The following ZBBX variants were observed in gnomAD, a reference collection of about 807,000 sequenced individuals.
ZBBX encodes zinc finger B-box domain containing, also known as zinc finger B-box domain-containing protein 1.
ZBBX carries 101 observed loss-of-function variants against 108.5 expected under a neutral mutation model. The ratio of observed to expected loss-of-function variants is 0.93; its 90% CI spans 0.79 to 1.10. The LOEUF is 1.10. Ranked by LOEUF, ZBBX falls within the 50% of genes least tolerant of loss-of-function variation. ZBBX has a pLI of 0.00. For synonymous variants in ZBBX, 356 were observed against 323.4 expected (o/e 1.10, Z -1.08); for missense variants, 1,009 against 941.4 (o/e 1.07, Z -0.94).
At position 167,359,940 on chromosome 3, in the gene ZBBX, G is replaced by C; in HGVS notation, c.362C>G (p.Ser121Cys). The C allele has an allele frequency of 6.3e-7, 1 of 1,591,400 alleles. No individual in the cohort carries two copies. Among genetic ancestry groups the C allele is most frequent in the Non-Finnish European group, 8.6e-7 (1 of 1,167,608 alleles). ...KPTVNYKMAN[S>C]SECEKPKING... ...TATCTTGGGTTTTTCACATTCTGAA[G>C]AATTTGCCATTTTATAATTAACTGT... is the stretch of plus-strand genomic sequence containing the variant. The change falls in exon 8 of 22, where the codon TCT becomes TGT. Residue 121 changes from serine (S) to cysteine (C), a missense_variant. Transcript: ENST00000675490.
intron 1 of ZBBX, among the ~76,000 whole-genome samples, chr3:167,402,458 A>T (rs1243597439): frequency 6.6e-6 from 1 of 152,156 alleles, no homozygotes; most frequent in East Asian, 1.9e-4. Flanking sequence ...TGAAAAAATA[A>T]CTTGAAATTT....
chr3:167,248,569 T>C (rs1722003943), intron 20 of ZBBX: 1 of 454,718 alleles, frequency 2.2e-6, no homozygotes, highest in Admixed American at 2.4e-5. Context: ...AGGGCACATT[T>C]GAGACACTCT....
chr3:167,193,531 A>G, the ZBBX span, among the ~76,000 whole-genome samples: 7 of 152,024 alleles, frequency 4.6e-5, no homozygotes, highest in East Asian at 1.4e-3. Context: ...GACAGGAACA[A>G]TTGTAGTTCC....
downstream of ZBBX, among the ~76,000 whole-genome samples, chr3:167,239,407 C>T (rs1359843215): frequency 6.6e-6 from 1 of 152,074 alleles, no homozygotes; most frequent in East Asian, 1.9e-4. Context: ...TCTTCTGCCT[C>T]TGTCACTCCT....
At chr3:167,367,848 T>C (rs1305517754) in intron 5 of ZBBX, among the ~76,000 whole-genome samples, 1 of 150,640 alleles carries the variant, frequency 6.6e-6, no homozygotes, top group Non-Finnish European at 1.5e-5. Context: ...TCAGTATAAT[T>C]AGTACAAATA....
intron 16 of ZBBX, among the ~76,000 whole-genome samples, chr3:167,313,445 T>A (rs1734931112): frequency 6.6e-6 from 1 of 151,978 alleles, no homozygotes. Flanking sequence ...CAGGCTAATT[T>A]TTTTTATTTT....
At chr3:167,210,509 C>A in the ZBBX span, among the ~76,000 whole-genome samples, 1 of 152,102 alleles carries the variant, frequency 6.6e-6, no homozygotes, top group African/African-American at 2.4e-5. Context: ...GGGATAATAA[C>A]AAAGAACTTT....
chr3:167,306,154 C>CTT (rs1733608211), intron 16 of ZBBX, among the ~76,000 whole-genome samples: 1 of 152,078 alleles, frequency 6.6e-6, no homozygotes, highest in African/African-American at 2.4e-5. Flanking sequence ...TAGAACCAAA[C>CTT]ATTAATGAGC....
At chr3:167,399,005 T>A (rs1748335451) in intron 1 of ZBBX, among the ~76,000 whole-genome samples, 2 of 151,988 alleles carry the variant, frequency 1.3e-5, no homozygotes, top group Admixed American at 1.3e-4. Flanking sequence ...ATTAGCGTGC[T>A]CAGCCCCCTC....
intron 16 of ZBBX, among the ~76,000 whole-genome samples, chr3:167,312,837 A>G (rs577174030): frequency 6.6e-6 from 1 of 152,172 alleles, no homozygotes; most frequent in Non-Finnish European, 1.5e-5. Flanking sequence ...ATTTACACAA[A>G]TCTACCACTG....
intron 20 of ZBBX, among the ~76,000 whole-genome samples, chr3:167,281,692 A>AT (rs1204481310): frequency 6.6e-6 from 1 of 152,154 alleles, no homozygotes; most frequent in Non-Finnish European, 1.5e-5. Flanking sequence ...CGCAAGTATA[A>AT]TTTTTCAAGA....
chr3:167,214,257 C>T, the ZBBX span, among the ~76,000 whole-genome samples: 1 of 152,086 alleles, frequency 6.6e-6, no homozygotes, highest in East Asian at 1.9e-4. Context: ...ACCCATCTTA[C>T]ACATAATGAC....
At chr3:167,356,960 T>C (rs1743680040) in intron 8 of ZBBX, among the ~76,000 whole-genome samples, 1 of 152,110 alleles carries the variant, frequency 6.6e-6, no homozygotes, top group African/African-American at 2.4e-5. Flanking sequence ...GGAAGACTAT[T>C]TATTGGAAAA....
chr3:167,326,203 A>G (rs1737353880), intron 11 of ZBBX, among the ~76,000 whole-genome samples: 1 of 152,156 alleles, frequency 6.6e-6, no homozygotes, highest in Non-Finnish European at 1.5e-5. Context: ...GTTACAAATG[A>G]TTGTGTGTAT....
the ZBBX span, among the ~76,000 whole-genome samples, chr3:167,232,182 A>T: frequency 1.3e-5 from 2 of 151,866 alleles, no homozygotes; most frequent in Non-Finnish European, 2.9e-5. Context: ...TTATGTCAAA[A>T]CTGTCTTTTA....
the ZBBX span, among the ~76,000 whole-genome samples, chr3:167,228,088 A>T: frequency 6.6e-6 from 1 of 151,816 alleles, no homozygotes; most frequent in Non-Finnish European, 1.5e-5. Flanking sequence ...CTCTAAAACT[A>T]GAAAGAATCC....
intron 2 of ZBBX, among the ~76,000 whole-genome samples, chr3:167,376,918 A>C (rs2108616140): frequency 6.6e-6 from 1 of 152,346 alleles, no homozygotes; most frequent in East Asian, 1.9e-4. Flanking sequence ...CAATGTCAGC[A>C]GCAAGAATAG....
At chr3:167,352,504 AC>A (rs1315904735) in intron 8 of ZBBX, among the ~76,000 whole-genome samples, 1 of 152,006 alleles carries the variant, frequency 6.6e-6, no homozygotes, top group East Asian at 1.9e-4. Context: ...TTTCCCAACA[AC>A]AAAAAAGCCA....
intron 20 of ZBBX, among the ~76,000 whole-genome samples, chr3:167,247,232 T>C (rs1057440703): frequency 2.0e-5 from 3 of 152,106 alleles, no homozygotes; most frequent in African/African-American, 7.2e-5. Flanking sequence ...ACACAAGTGG[T>C]TGGACGGCAA....
Sources: gnomAD v4.1 joint callset for allele counts (sites outside exome capture counted in the v4.1 genomes callset) on GRCh38, gnomAD v4.1.1 for gene constraint, MANE v1.5 for transcripts, NCBI Gene and HGNC (gene_info 2026-07-23, HGNC 2026-07-21) for gene names.